FOXN3: variants seen among roughly 807,000 people sequenced by gnomAD.
FOXN3 encodes the protein forkhead box protein N3.
Under a neutral mutation model 38.4 loss-of-function variants are expected in FOXN3, and 7 were observed. That is an observed-to-expected ratio of 0.18 (90% CI 0.10 to 0.34). The LOEUF is 0.34. Among genes scored for constraint, FOXN3 ranks in the 10% least tolerant of loss-of-function variants. The pLI, the probability that FOXN3 is intolerant of heterozygous loss-of-function variation, is 1.00. For synonymous variants in FOXN3, 230 were observed against 242.2 expected, an observed-to-expected ratio of 0.95 and a Z score of 0.47; for missense variants, 456 against 613.4, an observed-to-expected ratio of 0.74 and a Z score of 2.71.
At chr14:89,275,381 T>C (rs1886268553) in intron 4 of FOXN3, among the ~76,000 whole-genome samples, 1 of 152,144 alleles carries the variant, frequency 6.6e-6, no homozygotes, top group South Asian at 2.1e-4. Context: ...GTTGCTAGAG[T>C]GGAACAGAGC....
chr14:89,415,531 A>C (rs2140100255), intron 1 of FOXN3, among the ~76,000 whole-genome samples: 1 of 145,326 alleles, frequency 6.9e-6, no homozygotes, highest in South Asian at 2.3e-4. Context: ...TAAATCCCGC[A>C]TTTTATACCA....
chr14:89,370,755 C>T (rs1156406712), intron 2 of FOXN3, among the ~76,000 whole-genome samples: 1 of 152,252 alleles, frequency 6.6e-6, no homozygotes, highest in Non-Finnish European at 1.5e-5. Context: ...GCAAAACACA[C>T]AGAGCCGTAA....
chr14:89,363,976 A>AT (rs1378898364), intron 2 of FOXN3, among the ~76,000 whole-genome samples: 1 of 82,140 alleles, frequency 1.2e-5, no homozygotes, highest in African/African-American at 5.4e-5. Flanking sequence ...ATATATATAT[A>AT]TATATATATA....
intron 1 of FOXN3, among the ~76,000 whole-genome samples, chr14:89,434,320 C>T (rs1385390565): frequency 1.3e-5 from 2 of 150,852 alleles, no homozygotes; most frequent in Admixed American, 6.6e-5. Context: ...CTCCACCTCC[C>T]GGATTCAAGT....
intron 5 of FOXN3, among the ~76,000 whole-genome samples, chr14:89,174,227 A>G (rs1165554722): frequency 6.6e-6 from 1 of 152,164 alleles, no homozygotes; most frequent in Admixed American, 6.5e-5. Flanking sequence ...CACAAAATCC[A>G]GTCTAATTCT....
chr14:89,600,150 C>G (rs544496053), intron 1 of FOXN3, among the ~76,000 whole-genome samples: 1 of 152,280 alleles, frequency 6.6e-6, no homozygotes, highest in East Asian at 1.9e-4. Context: ...CAAACCTGAT[C>G]TACTATTGCT....
intron 1 of FOXN3, among the ~76,000 whole-genome samples, chr14:89,611,968 C>T (rs953400798): frequency 6.6e-6 from 1 of 152,062 alleles, no homozygotes; most frequent in African/African-American, 2.4e-5. Flanking sequence ...TTCTTCCCCC[C>T]GAAGGGAACT....
chr14:89,510,426 G>A (rs1447117993), intron 1 of FOXN3, among the ~76,000 whole-genome samples: 2 of 152,194 alleles, frequency 1.3e-5, no homozygotes, highest in Non-Finnish European at 2.9e-5. Context: ...TATGCACTGA[G>A]GGCAGCCACA....
chr14:89,482,251 G>A (rs1030803653), intron 1 of FOXN3, among the ~76,000 whole-genome samples: 6 of 152,122 alleles, frequency 3.9e-5, no homozygotes, highest in East Asian at 1.9e-4. Flanking sequence ...CATACTTCCC[G>A]GCCTCCTGCC....
intron 1 of FOXN3, among the ~76,000 whole-genome samples, chr14:89,527,996 A>T (rs1894467058): frequency 6.6e-6 from 1 of 152,150 alleles, no homozygotes; most frequent in African/African-American, 2.4e-5. Flanking sequence ...GCTAAAATTT[A>T]AAAAGCCTGG....
At chr14:89,169,988 A>G (rs1012348295) in intron 5 of FOXN3, among the ~76,000 whole-genome samples, 6 of 152,334 alleles carry the variant, frequency 3.9e-5, no homozygotes, top group East Asian at 1.9e-4. Flanking sequence ...TGCTGTTTGC[A>G]AGAGACAATC....
intron 2 of FOXN3, among the ~76,000 whole-genome samples, chr14:89,355,777 A>G (rs1253909059): frequency 6.6e-6 from 1 of 152,250 alleles, no homozygotes; most frequent in Non-Finnish European, 1.5e-5. Context: ...AGCCGGGTCA[A>G]CAAAGTTTGG....
At chr14:89,217,749 G>T (rs181085181) in intron 4 of FOXN3, among the ~76,000 whole-genome samples, 1 of 152,132 alleles carries the variant, frequency 6.6e-6, no homozygotes, top group Non-Finnish European at 1.5e-5. Flanking sequence ...CCCACCCATG[G>T]GTCCCAACAA....
chr14:89,172,115 G>T (rs1413258002), intron 5 of FOXN3, among the ~76,000 whole-genome samples: 2 of 152,108 alleles, frequency 1.3e-5, no homozygotes, highest in East Asian at 3.8e-4. Context: ...GCATGAAAAA[G>T]AATCTATTCC....
At chr14:89,386,158 T>C (rs907886924) in intron 2 of FOXN3, among the ~76,000 whole-genome samples, 1 of 152,194 alleles carries the variant, frequency 6.6e-6, no homozygotes, top group African/African-American at 2.4e-5. Flanking sequence ...GGGTGAAAAT[T>C]TCACTCTTTC....
intron 1 of FOXN3, among the ~76,000 whole-genome samples, chr14:89,610,631 T>C (rs1303659267): frequency 6.6e-6 from 1 of 152,244 alleles, no homozygotes; most frequent in African/African-American, 2.4e-5. Flanking sequence ...TCAGTCTGTC[T>C]ATATCTGCTT....
intron 4 of FOXN3, among the ~76,000 whole-genome samples, chr14:89,205,794 T>C (rs1441288802): frequency 6.6e-6 from 1 of 152,208 alleles, no homozygotes; most frequent in East Asian, 1.9e-4. Context: ...CACTCAACCC[T>C]AGATGCTGCT....
At chr14:89,591,058 G>A (rs1225045144) in intron 1 of FOXN3, among the ~76,000 whole-genome samples, 2 of 152,196 alleles carry the variant, frequency 1.3e-5, no homozygotes, top group African/African-American at 4.8e-5. Context: ...AAAGGCTCTT[G>A]TGTCACATAA....
At chr14:89,439,085 AC>A (rs1892327246) in intron 1 of FOXN3, among the ~76,000 whole-genome samples, 1 of 151,818 alleles carries the variant, frequency 6.6e-6, no homozygotes, top group African/African-American at 2.4e-5. Flanking sequence ...AGAGGTACCC[AC>A]CCCTGCCAAA....
Sources: gnomAD v4.1 joint callset for allele counts (sites outside exome capture counted in the v4.1 genomes callset) on GRCh38, gnomAD v4.1.1 for gene constraint, MANE v1.5 for transcripts, NCBI Gene and HGNC (gene_info 2026-07-23, HGNC 2026-07-21) for gene names.